NLRP1: variants seen among roughly 807,000 people sequenced by gnomAD.
The protein encoded by NLRP1 is NACHT, LRR and PYD domains-containing protein 1.
In NLRP1, 94 loss-of-function variants were observed where a neutral mutation model predicts 136.7. The observed-to-expected ratio is 0.69, with a 90% CI of 0.58 to 0.82. The LOEUF is 0.82. Among genes scored for constraint, NLRP1 ranks in the 40% least tolerant of loss-of-function variants. The probability of loss-of-function intolerance (pLI) is 0.00; values close to 1 mark genes in which losing one functional copy is unlikely to be tolerated. For missense variants in NLRP1, 1,575 were observed against 1,802.7 expected (o/e 0.87, Z 2.29); for synonymous variants, 690 against 725.1 (o/e 0.95, Z 0.78).
At chr17:5,513,924 T>C (rs1056547615), downstream of NLRP1, among the ~76,000 whole-genome samples, 2 of 152,186 alleles carry the variant, frequency 1.3e-5, no homozygotes, top group African/African-American at 4.8e-5. Flanking sequence ...ACCAGCGCCA[T>C]GACAGTTTAC....
chr17:5,521,673 A>T lies in NLRP1; in HGVS notation c.3634T>A (p.Phe1212Ile). ...LHHIVLENPS[F>I]SPLGVLLKMI... Reference sequence around the variant, plus strand: ...TTCAGGAGGACTCCCAAGGGGGAGAAGCTGGGGTTTTCCAGAACTATGTGA... The same window carrying T: ...TTCAGGAGGACTCCCAAGGGGGAGATGCTGGGGTTTTCCAGAACTATGTGA... The change falls in exon 13 of 17, where the codon TTC becomes ATC. Residue 1212 changes from phenylalanine to isoleucine, a missense_variant. Physicochemically the swap from Phe to Ile is conservative, Grantham distance 21 (BLOSUM62 0). Transcript: ENST00000572272. 1 of 1,613,966 alleles carries T rather than the reference A, an allele frequency of 6.2e-7. No homozygotes were observed. Among genetic ancestry groups the T allele is most frequent in the Non-Finnish European group, 8.5e-7 (1 of 1,180,038 alleles).
chr17:5,522,570 G>C (rs112741087), intron 12 of NLRP1, among the ~76,000 whole-genome samples: 1 of 152,218 alleles, frequency 6.6e-6, no homozygotes, highest in African/African-American at 2.4e-5. Flanking sequence ...ATAGCAGCCT[G>C]AACAGGCTAA....
chr17:5,547,840 C>A (rs1912871937), intron 5 of NLRP1, among the ~76,000 whole-genome samples: 1 of 152,200 alleles, frequency 6.6e-6, no homozygotes, highest in Non-Finnish European at 1.5e-5. Context: ...ACTGTAACTC[C>A]TTTTTAATGA....
chr17:5,562,745 G>A (rs192335509), intron 3 of NLRP1, among the ~76,000 whole-genome samples: 11 of 152,312 alleles, frequency 7.2e-5, no homozygotes, highest in African/African-American at 2.2e-4. Context: ...TCCCACCAGT[G>A]CCCTGCCCCA....
chr17:5,524,149 G>A (rs1228252573), intron 12 of NLRP1, among the ~76,000 whole-genome samples: 2 of 152,178 alleles, frequency 1.3e-5, no homozygotes, highest in African/African-American at 4.8e-5. Context: ...CTGACCTTAG[G>A]TGATCCACCT....
rs1391022295 is a variant in NLRP1, at chr17:5,559,747, A to G, written c.949T>C (p.Leu317=). The G allele has an allele frequency of 4.3e-6, 7 of 1,614,128 alleles. No homozygotes were observed. The highest frequency in any genetic ancestry group is 5.9e-6 in the Non-Finnish European group (7 of 1,180,058). ...TGGGTATCCAGGCCTGGGCCAAATA[A>G]GTCTCTGATCTCAATTAAATGTCCT... ...NRGHLIEIRD[L]FGPGLDTQEP... Residue 317 remains leucine, a synonymous_variant, in exon 4 of 17, where the codon TTA becomes CTA. Transcript: ENST00000572272.
intron 7 of NLRP1, among the ~76,000 whole-genome samples, chr17:5,538,212 T>C (rs1441284110): frequency 6.6e-6 from 1 of 152,096 alleles, no homozygotes; most frequent in Non-Finnish European, 1.5e-5. Context: ...AAGCCACTCA[T>C]GGGCTTGCTC....
chr17:5,571,783 T>C (rs1050682629), intron 3 of NLRP1, among the ~76,000 whole-genome samples: 7 of 152,096 alleles, frequency 4.6e-5, no homozygotes, highest in African/African-American at 1.7e-4. Context: ...ACAGCCCAAA[T>C]AGCCAAAGCA....
intron 5 of NLRP1, among the ~76,000 whole-genome samples, chr17:5,549,366 C>A (rs1913049796): frequency 6.6e-6 from 1 of 152,058 alleles, no homozygotes. Flanking sequence ...GCTACCTCTG[C>A]CTACCAGGCT....
chr17:5,582,545 C>G, intron 2 of NLRP1, 125 bp downstream of exon 2: 3 of 900,232 alleles, frequency 3.3e-6, no homozygotes, highest in Non-Finnish European at 5.1e-6. Context: ...CATCCTGGCT[C>G]CCCTATCCTT....
downstream of NLRP1, among the ~76,000 whole-genome samples, chr17:5,510,614 G>A (rs1269002721): frequency 6.6e-6 from 1 of 151,840 alleles, no homozygotes; most frequent in Non-Finnish European, 1.5e-5. Flanking sequence ...TGATCCGTCC[G>A]CCTTGACATC....
chr17:5,559,638 C>G lies in NLRP1; in HGVS notation c.1058G>C (p.Arg353Thr). The G allele has an allele frequency of 6.2e-7, 1 of 1,614,252 alleles. No homozygotes were observed. ...GAAGCGGTCCCCATACAGCTGGCCT[C>G]TCCCCCAGGCTTCCTTCACCTGCCT... ...LARQVKEAWG[R>T]GQLYGDRFQH... Residue 353 changes from arginine (R) to threonine (T), a missense_variant, in exon 4 of 17, where the codon AGA becomes ACA. Physicochemically the swap from Arg to Thr is moderately conservative, Grantham distance 71. Transcript: ENST00000572272.
At chr17:5,534,720 A>G (rs1446587021) in intron 8 of NLRP1, among the ~76,000 whole-genome samples, 2 of 152,210 alleles carry the variant, frequency 1.3e-5, no homozygotes, top group Middle Eastern at 3.4e-3. Context: ...TGAAATAGGA[A>G]CCTGACCCAT....
chr17:5,568,228 G>C (rs1915526347), intron 3 of NLRP1, among the ~76,000 whole-genome samples: 1 of 151,976 alleles, frequency 6.6e-6, no homozygotes, highest in Non-Finnish European at 1.5e-5. Context: ...TCCTGCAGGT[G>C]TGTTTCATTG....
chr17:5,512,506 C>A (rs939325987), downstream of NLRP1: 10 of 648,666 alleles, frequency 1.5e-5, no homozygotes, highest in African/African-American at 1.8e-4. Context: ...TCTTTTAAAT[C>A]TTCTTACTTC....
At chr17:5,578,013 G>T (rs1347091310) in intron 3 of NLRP1, among the ~76,000 whole-genome samples, 1 of 152,190 alleles carries the variant, frequency 6.6e-6, no homozygotes, top group Non-Finnish European at 1.5e-5. Flanking sequence ...ATGGGGAAAG[G>T]ATTCCCTATT....
downstream of NLRP1, among the ~76,000 whole-genome samples, chr17:5,511,191 G>A (rs1907604278): frequency 6.6e-6 from 1 of 152,054 alleles, no homozygotes; most frequent in Admixed American, 6.5e-5. Context: ...AGCACTTTAG[G>A]AGGCCGAGGC....
In NLRP1 at chr17:5,541,703, G is replaced by T. The variant is rs1362084348; in HGVS notation, c.2699+154C>A. Among the ~76,000 whole-genome samples the T allele has an allele frequency of 6.6e-6, 1 of 152,076 alleles. No individual in the cohort carries two copies. The highest frequency in any genetic ancestry group is 1.5e-5 in the Non-Finnish European group (1 of 68,016). On this transcript the variant is annotated intron_variant, in intron 6 of 16. Coordinates refer to ENST00000572272, the MANE Select transcript of NLRP1 (RefSeq NM_033004.4). This position sits in a 1 kb window ranked among gnomAD's most constrained non-coding sequence, Gnocchi z 4.2. ...CCTCCCTCTGTCCAAGGGTGGATGAGCTTCCTCCTGAGCCTCTACTGCCTG... is the reference window on the plus strand; with the variant it reads ...CCTCCCTCTGTCCAAGGGTGGATGATCTTCCTCCTGAGCCTCTACTGCCTG...
Position 5,529,612 on chromosome 17 carries a change from C to A in NLRP1, c.3520+869G>T, listed in dbSNP as rs12603368. ...CAATCTCCTGACCTCGTGATCCGCC[C>A]TCCTCGGCCTCCCAAAGTCCTGGGA... On this transcript the variant is annotated intron_variant, in intron 12 of 16. Coordinates refer to ENST00000572272, the MANE Select transcript of NLRP1 (RefSeq NM_033004.4). Among the ~76,000 whole-genome samples, 1,577 of 152,310 alleles carry A rather than the reference C, an allele frequency of 0.01. 123 individuals carry two copies. The South Asian group carries it at 0.16, about 16-fold the overall frequency.
Sources: gnomAD v4.1 joint callset for allele counts (sites outside exome capture counted in the v4.1 genomes callset) on GRCh38, gnomAD v4.1.1 for gene constraint, Gnocchi (gnomAD v3.1) non-coding constraint, MANE v1.5 for transcripts, NCBI Gene and HGNC (gene_info 2026-07-23, HGNC 2026-07-21) for gene names.